CTNNAL1: variants seen among roughly 807,000 people sequenced by gnomAD.
CTNNAL1 encodes the protein alpha-catulin.
CTNNAL1 carries 69 observed loss-of-function variants against 93.6 expected under a neutral mutation model. The observed-to-expected ratio is 0.74, with a 90% confidence interval of 0.61 to 0.90. The LOEUF (loss-of-function observed/expected upper bound fraction) is 0.90. Among genes scored for constraint, CTNNAL1 ranks in the 40% least tolerant of loss-of-function variants. The probability of loss-of-function intolerance (pLI) is 0.00; values close to 1 mark genes in which losing one functional copy is unlikely to be tolerated. For missense variants in CTNNAL1, 836 were observed against 862.0 expected (o/e 0.97, Z 0.38); for synonymous variants, 286 against 305.4 (o/e 0.94, Z 0.66).
chr9:108,969,533 T>C (rs958592753), intron 10 of CTNNAL1, among the ~76,000 whole-genome samples: 3 of 152,192 alleles, frequency 2.0e-5, no homozygotes, highest in Admixed American at 2.0e-4. Flanking sequence ...CCCTACTTTT[T>C]TCATTTAACA....
chr9:108,990,838 G>A lies in CTNNAL1; in HGVS notation c.527C>T (p.Ala176Val). 7 of 1,611,900 alleles carry A rather than the reference G, an allele frequency of 4.3e-6. No individual in the cohort carries two copies. Among genetic ancestry groups the A allele is most frequent in the Non-Finnish European group, 5.9e-6 (7 of 1,179,304 alleles). ...CACTTTCTCTAGTCTTTCCATAGTT[G>A]CGAGAACCTGCAAAACAGATAATAA... is the stretch of plus-strand genomic sequence containing the variant. ...QIITSRNKVL[A>V]TMERLEKVNS... The change falls in exon 4 of 19, where the codon GCA becomes GTA. Residue 176 changes from alanine (A) to valine (V), a missense_variant. Transcript: ENST00000325551.
chr9:108,969,124 G>T (rs985270035), intron 10 of CTNNAL1, among the ~76,000 whole-genome samples: 3 of 152,020 alleles, frequency 2.0e-5, no homozygotes, highest in Admixed American at 6.5e-5. Flanking sequence ...AAAAAAATTA[G>T]CCAGACGTGG....
chr9:109,008,374 C>T (rs7851989), intron 1 of CTNNAL1, among the ~76,000 whole-genome samples: 19,291 of 151,934 alleles, frequency 0.13, 1,421 homozygotes, highest in African/African-American at 0.17. Flanking sequence ...CTCAAACTCC[C>T]GACCTCAGGT....
intron 1 of CTNNAL1, among the ~76,000 whole-genome samples, chr9:109,012,514 C>G (rs1328128432): frequency 6.6e-6 from 1 of 152,128 alleles, no homozygotes; most frequent in Non-Finnish European, 1.5e-5. Context: ...GAATTCTAGC[C>G]CTGAAGCTGC....
At chr9:108,958,857 C>T (rs1222680805) in intron 11 of CTNNAL1, among the ~76,000 whole-genome samples, 1 of 151,056 alleles carries the variant, frequency 6.6e-6, no homozygotes, top group Admixed American at 6.6e-5. Context: ...TCCTGAGTAG[C>T]TGAGTAGCTG....
intron 10 of CTNNAL1, among the ~76,000 whole-genome samples, chr9:108,967,971 T>C (rs1008802430): frequency 5.9e-5 from 9 of 152,204 alleles, no homozygotes; most frequent in Admixed American, 1.3e-4. Context: ...AGTTGGTACC[T>C]TTGAATGAAT....
intron 7 of CTNNAL1, 82 bp from the exon 8 acceptor site, chr9:108,977,130 G>T (rs1831290088): frequency 1.7e-6 from 1 of 596,902 alleles, no homozygotes; most frequent in Non-Finnish European, 2.8e-6. Flanking sequence ...ACTGTAAATT[G>T]TAATAAATTT....
chr9:108,987,855 T>C (rs1831664822), intron 4 of CTNNAL1, among the ~76,000 whole-genome samples: 1 of 152,202 alleles, frequency 6.6e-6, no homozygotes, highest in South Asian at 2.1e-4. Context: ...ATAAGAATGC[T>C]TGTGATTTTT....
intron 10 of CTNNAL1, among the ~76,000 whole-genome samples, chr9:108,968,008 G>A (rs367544289): frequency 1.3e-5 from 2 of 152,102 alleles, no homozygotes; most frequent in Non-Finnish European, 1.5e-5. Flanking sequence ...TCCCTCTGGG[G>A]TGGGCATAGT....
At chr9:108,945,109 C>T (rs1830362472) in intron 15 of CTNNAL1, among the ~76,000 whole-genome samples, 1 of 152,194 alleles carries the variant, frequency 6.6e-6, no homozygotes, top group South Asian at 2.1e-4. Flanking sequence ...TTTAAAACTA[C>T]CTGAAAGCTG....
At chr9:109,011,209 C>T (rs1827192952) in intron 1 of CTNNAL1, among the ~76,000 whole-genome samples, 1 of 152,108 alleles carries the variant, frequency 6.6e-6, no homozygotes, top group Non-Finnish European at 1.5e-5. Flanking sequence ...AGTATTCTGG[C>T]CATGCTTAAT....
At chr9:108,969,485 G>T (rs1831048950) in intron 10 of CTNNAL1, among the ~76,000 whole-genome samples, 1 of 152,100 alleles carries the variant, frequency 6.6e-6, no homozygotes, top group Admixed American at 6.5e-5. Flanking sequence ...CTATACATAT[G>T]AAATTATGGG....
chr9:109,010,684 C>T (rs1827179325), intron 1 of CTNNAL1, among the ~76,000 whole-genome samples: 1 of 152,178 alleles, frequency 6.6e-6, no homozygotes, highest in Non-Finnish European at 1.5e-5. Flanking sequence ...AAACTATACA[C>T]ATTTTTCTAA....
At chr9:108,944,353 T>C (rs1830335099) in intron 15 of CTNNAL1, among the ~76,000 whole-genome samples, 1 of 152,180 alleles carries the variant, frequency 6.6e-6, no homozygotes. Flanking sequence ...ATCTCAAATA[T>C]GCTCAATTAT....
At chr9:108,982,614 A>G (rs1035008732) in intron 6 of CTNNAL1, among the ~76,000 whole-genome samples, 2 of 152,250 alleles carry the variant, frequency 1.3e-5, no homozygotes, top group Non-Finnish European at 2.9e-5. Flanking sequence ...AGTAGCTACT[A>G]TAACCAAAGA....
At chr9:108,972,926 G>C in intron 8 of CTNNAL1, 93 bp from the exon 9 acceptor site, 1 of 1,381,754 alleles carries the variant, frequency 7.2e-7, no homozygotes, top group Non-Finnish European at 9.6e-7. Flanking sequence ...TTGTGACCAA[G>C]CACCACATCA....
chr9:109,012,672 T>C (rs967683037), intron 1 of CTNNAL1, among the ~76,000 whole-genome samples: 10 of 152,150 alleles, frequency 6.6e-5, no homozygotes. Flanking sequence ...TCCACGTCAC[T>C]CTTCCACGAG....
At chr9:108,968,487 AC>A (rs1248014925) in intron 10 of CTNNAL1, among the ~76,000 whole-genome samples, 2 of 152,220 alleles carry the variant, frequency 1.3e-5, no homozygotes, top group East Asian at 3.8e-4. Context: ...AGGAGCAACA[AC>A]TGATTGCATA....
chr9:108,965,342 A>G (rs755738045), intron 11 of CTNNAL1, 36 bp downstream of exon 11: 5 of 1,340,240 alleles, frequency 3.7e-6, no homozygotes. Context: ...TTACATTAAA[A>G]TAATAACATA....
Sources: allele counts gnomAD v4.1 joint callset (sites outside exome capture counted in the v4.1 genomes callset), GRCh38; gene constraint gnomAD v4.1.1; transcripts MANE v1.5; gene names NCBI Gene and HGNC (gene_info 2026-07-23, HGNC 2026-07-21).